DPH6: variants seen among roughly 807,000 people sequenced by gnomAD.
DPH6 encodes the protein diphthine--ammonia ligase.
Under a neutral mutation model 38.2 loss-of-function variants are expected in DPH6, and 33 were observed. The observed-to-expected ratio is 0.86, with a 90% CI of 0.65 to 1.15. The LOEUF is 1.15. Ranked by LOEUF, DPH6 falls within the 50% of genes most tolerant of loss-of-function variation. DPH6 has a pLI of 0.00. For missense variants in DPH6, 325 were observed against 320.0 expected, an observed-to-expected ratio of 1.02 and a Z score of -0.12; for synonymous variants, 108 against 103.0, an observed-to-expected ratio of 1.05 and a Z score of -0.30.
At chr15:35,529,921 C>G (rs115339262) in intron 3 of DPH6, among the ~76,000 whole-genome samples, 3,292 of 151,794 alleles carry the variant, frequency 0.022, 111 homozygotes, top group African/African-American at 0.071. Context: ...AAAAAAAACA[C>G]TAAGTATTTA....
intron 3 of DPH6, among the ~76,000 whole-genome samples, chr15:35,511,155 G>A (rs183688194): frequency 6.6e-6 from 1 of 152,234 alleles, no homozygotes; most frequent in East Asian, 1.9e-4. Context: ...CAAATGATCT[G>A]TTTGCATATT....
intron 6 of DPH6, among the ~76,000 whole-genome samples, chr15:35,384,138 A>G (rs2052909948): frequency 6.6e-6 from 1 of 152,226 alleles, no homozygotes; most frequent in Admixed American, 6.5e-5. Context: ...GCTTCGACTC[A>G]AAATTGGGAT....
rs150002580 is a variant in DPH6 at position 35,425,286 on chromosome 15, G to C, written c.506-14390C>G. Reference sequence around the variant, plus strand: ...GGACAGTACAGCCATTAAATAATCTGACTACTACATAGAGAAACAGAAAAA... The same window carrying C: ...GGACAGTACAGCCATTAAATAATCTCACTACTACATAGAGAAACAGAAAAA... On this transcript the variant is annotated intron_variant, in intron 5 of 8. Coordinates refer to ENST00000256538, the MANE Select transcript of DPH6 (RefSeq NM_080650.4). 3.7e-3 allele frequency among the ~76,000 whole-genome samples: 557 copies of C among 151,534 alleles called. 2 individuals carry two copies. Among genetic ancestry groups the C allele is most frequent in the African/African-American group, 0.012 (505 of 41,460 alleles).
At chr15:35,466,544 G>GA (rs943260246) in intron 3 of DPH6, among the ~76,000 whole-genome samples, 3 of 152,170 alleles carry the variant, frequency 2.0e-5, no homozygotes, top group South Asian at 4.1e-4. Context: ...CTACTACCAA[G>GA]AAAAAAATCG....
intron 3 of DPH6, among the ~76,000 whole-genome samples, chr15:35,355,906 C>T (rs2052555679): frequency 6.6e-6 from 1 of 152,238 alleles, no homozygotes; most frequent in Non-Finnish European, 1.5e-5. Flanking sequence ...TTCTCCCCGT[C>T]ACTTTCAGGT....
At position 35,538,331 on chromosome 15, in the gene DPH6, G is replaced by A. The variant is rs766791922; in HGVS notation, c.255C>T (p.Tyr85=). ...RGRSLDTRQV[Y]TKCEGDEVED... ...CAACCTCATCACCTTCACATTTGGT[G>A]TACACTTGTCTTGTATCCAAGCTCC... Residue 85 remains tyrosine, a synonymous_variant, in exon 3 of 9, where the codon TAC becomes TAT. Transcript: ENST00000256538. 3.1e-6 allele frequency: 5 copies of A among 1,609,012 alleles called. No individual in the cohort carries two copies. The highest frequency in any genetic ancestry group is 1.7e-5 in the Admixed American group (1 of 59,968).
At chr15:35,543,475 TCTC>T (rs2055297119) in intron 1 of DPH6, among the ~76,000 whole-genome samples, 1 of 151,842 alleles carries the variant, frequency 6.6e-6, no homozygotes, top group South Asian at 2.1e-4. Flanking sequence ...AATTTAATAT[TCTC>T]CTAATTCCCA....
chr15:35,200,564 T>A, the DPH6 span, among the ~76,000 whole-genome samples: 1 of 152,066 alleles, frequency 6.6e-6, no homozygotes, highest in Non-Finnish European at 1.5e-5. Flanking sequence ...ATGCCTACTA[T>A]GTGTTAGGCA....
chr15:35,231,680 A>G (rs559411116), intron 3 of DPH6, among the ~76,000 whole-genome samples: 1 of 152,282 alleles, frequency 6.6e-6, no homozygotes, highest in Admixed American at 6.5e-5. Context: ...TTTATGAATA[A>G]GAGATTTACT....
Position 35,282,879 on chromosome 15 carries a change from C to T in DPH6, n.201-62297G>A, listed in dbSNP as rs527527774. ...AGCTTAAGGTGGATGAAGACCCCATCGGGGGGTTCCACCATATAGATGTTC... is the reference window on the plus strand; with the variant it reads ...AGCTTAAGGTGGATGAAGACCCCATTGGGGGGTTCCACCATATAGATGTTC... On this transcript the variant is annotated intron_variant and non_coding_transcript_variant, in intron 3 of 3. Coordinates refer to the DPH6 transcript ENST00000560386. 213 of 341,520 alleles carry T rather than the reference C, an allele frequency of 6.2e-4. 2 individuals are homozygous for T. The highest frequency in any genetic ancestry group is 5.9e-3 in the South Asian group (186 of 31,634). The allele number at this position is 341,520 out of a possible 1,614,324, so 21.2% of individuals were successfully genotyped here.
intron 3 of DPH6, among the ~76,000 whole-genome samples, chr15:35,234,127 A>G (rs948700162): frequency 2.6e-5 from 4 of 152,342 alleles, no homozygotes; most frequent in South Asian, 4.1e-4. Context: ...TGTTGAGTGA[A>G]TGCATGAAGA....
intron 3 of DPH6, among the ~76,000 whole-genome samples, chr15:35,322,660 C>T (rs746215200): frequency 9.2e-5 from 14 of 152,098 alleles, no homozygotes. Flanking sequence ...GAGCTTTAAT[C>T]TGAATAATCA....
At chr15:35,330,194 C>T (rs1431111595), downstream of DPH6, among the ~76,000 whole-genome samples, 2 of 152,002 alleles carry the variant, frequency 1.3e-5, no homozygotes, top group African/African-American at 2.4e-5. Flanking sequence ...TTTATCATTC[C>T]GTATTCAGCC....
At chr15:35,199,016 T>G in the DPH6 span, among the ~76,000 whole-genome samples, 566 of 152,170 alleles carry the variant, frequency 3.7e-3, 2 homozygotes, top group Non-Finnish European at 5.6e-3. Flanking sequence ...ACCTCCCAGG[T>G]TGAAGCAATT....
intron 6 of DPH6, chr15:35,400,608 T>C: frequency 2.1e-6 from 1 of 465,324 alleles, no homozygotes. Context: ...TTGACTAACA[T>C]TTTAAAATAT....
chr15:35,357,084 T>C (rs2052567824), intron 3 of DPH6, among the ~76,000 whole-genome samples: 1 of 152,226 alleles, frequency 6.6e-6, no homozygotes, highest in South Asian at 2.1e-4. Context: ...CTCCTAGCCA[T>C]GTGCGGGATA....
the DPH6 span, among the ~76,000 whole-genome samples, chr15:35,179,170 C>T: frequency 7.1e-6 from 1 of 140,928 alleles, no homozygotes; most frequent in East Asian, 2.1e-4. Flanking sequence ...TGCGCCATTG[C>T]ACCCCAGCCT....
the DPH6 span, among the ~76,000 whole-genome samples, chr15:35,186,596 T>C: frequency 1.3e-5 from 2 of 152,236 alleles, no homozygotes; most frequent in Non-Finnish European, 2.9e-5. Flanking sequence ...AGCTGAGTTA[T>C]GAATTTACAG....
At chr15:35,345,323 T>C (rs990818108) in intron 3 of DPH6, among the ~76,000 whole-genome samples, 2 of 151,856 alleles carry the variant, frequency 1.3e-5, no homozygotes, top group African/African-American at 4.8e-5. Flanking sequence ...ATAATGATAG[T>C]TTTATTTCTT....
Sources: gnomAD v4.1 joint callset for allele counts (sites outside exome capture counted in the v4.1 genomes callset) on GRCh38, gnomAD v4.1.1 for gene constraint, MANE v1.5 for transcripts, NCBI Gene and HGNC (gene_info 2026-07-23, HGNC 2026-07-21) for gene names.